Variants in ACSL1 observed in about 807,000 individuals in gnomAD.
The protein encoded by ACSL1 is long-chain-fatty-acid--CoA ligase 1.
In ACSL1, 41 loss-of-function variants were observed where a neutral mutation model predicts 98.4. The ratio of observed to expected loss-of-function variants is 0.42; its 90% CI spans 0.32 to 0.54. The LOEUF is 0.54. Ranked by LOEUF, ACSL1 falls within the 20% of genes least tolerant of loss-of-function variation. The probability of loss-of-function intolerance (pLI) is 0.13; values close to 1 mark genes in which losing one functional copy is unlikely to be tolerated. For missense variants in ACSL1, 734 were observed against 883.1 expected (o/e 0.83, Z 2.14); for synonymous variants, 316 against 322.7 (o/e 0.98, Z 0.22).
rs1469803391 is a variant in ACSL1, at chr4:184,825,170, TG to T, written c.-33+745del. On this transcript the variant is annotated intron_variant, in intron 1 of 20. Transcript: ENST00000281455. The surrounding 1 kb of genome is among the most constrained non-coding windows in gnomAD (Gnocchi z 4.7). ...TTCCACACTCTCACAACGCACCGAC[TG>T]GGGGAACGCCTGTCCCCAGACTCGA... The T allele has an allele frequency of 5.1e-6, 5 of 985,306 alleles. No homozygotes were observed. Among genetic ancestry groups the T allele is most frequent in the East Asian group, 1.1e-4 (1 of 8,806 alleles). The allele number at this position is 985,306 out of a possible 1,614,324, so 61.0% of individuals were successfully genotyped here. A position where few individuals can be genotyped will look rare whatever the true frequency, so the allele number is the denominator to read the frequency against.
intron 11 of ACSL1, among the ~76,000 whole-genome samples, chr4:184,769,773 G>T (rs1764211693): frequency 6.6e-6 from 1 of 152,220 alleles, no homozygotes; most frequent in South Asian, 2.1e-4. Context: ...GGTGCTCATT[G>T]TTTTTTCCTA....
At chr4:184,809,699 G>C (rs1490288895) in intron 1 of ACSL1, among the ~76,000 whole-genome samples, 1 of 152,200 alleles carries the variant, frequency 6.6e-6, no homozygotes, top group African/African-American at 2.4e-5. Flanking sequence ...GGGAGGCTGA[G>C]GCAGGAGAAT....
intron 1 of ACSL1, among the ~76,000 whole-genome samples, chr4:184,804,366 G>A (rs140523518): frequency 0.016 from 2,507 of 152,256 alleles, 79 homozygotes; most frequent in African/African-American, 0.058. Flanking sequence ...GATCACCTGA[G>A]GTCAAGAGTT....
chr4:184,773,062 C>T lies in ACSL1; in HGVS notation c.915+19G>A, dbSNP rs185116614. ...AATGTCAATCAATGAGGAAAGATGA[C>T]GACATCCCAAAAAGTTACCTCTGTT... On this transcript the variant is annotated intron_variant, in intron 10 of 20. Transcript: ENST00000281455. The surrounding 1 kb of genome is among the most constrained non-coding windows in gnomAD (Gnocchi z 4.3). The T allele has an allele frequency of 2.1e-5, 33 of 1,608,926 alleles. No individual in the cohort carries two copies. In the East Asian group the frequency reaches 2.7e-4, roughly 13 times the overall value.
rs1270580030 is a variant in ACSL1, at chr4:184,768,733, GGTAA to G, written c.994-287_994-284del. Among the ~76,000 whole-genome samples the G allele has an allele frequency of 1.1e-4, 16 of 152,238 alleles. No individual in the cohort carries two copies. In the East Asian group the frequency reaches 2.9e-3, roughly 28 times the overall value. On this transcript the variant is annotated intron_variant, in intron 11 of 20. Transcript: ENST00000281455. ...AGAGGTTCTACTCTTTTAGTGCGGT[GGTAA>G]GTATCTGTTCAATGAATGACATGGT... is the stretch of plus-strand genomic sequence containing the variant.
chr4:184,818,733 G>A (rs1772824981), intron 1 of ACSL1, among the ~76,000 whole-genome samples: 1 of 152,150 alleles, frequency 6.6e-6, no homozygotes, highest in Admixed American at 6.6e-5. Flanking sequence ...CCAATCTGTG[G>A]AAGCCAGATA....
At chr4:184,816,911 T>A (rs1207685260) in intron 1 of ACSL1, among the ~76,000 whole-genome samples, 1 of 152,022 alleles carries the variant, frequency 6.6e-6, no homozygotes, top group African/African-American at 2.4e-5. Flanking sequence ...ACTTGAAGCA[T>A]CCAACTCAGC....
At chr4:184,770,163 A>G (rs1366465780) in intron 11 of ACSL1, 3 of 1,213,022 alleles carry the variant, frequency 2.5e-6, no homozygotes, top group Admixed American at 5.2e-5. Flanking sequence ...CAGAAAAAGA[A>G]TTTATATTCT....
intron 2 of ACSL1, among the ~76,000 whole-genome samples, chr4:184,795,223 G>A (rs1174081506): frequency 6.6e-6 from 1 of 152,240 alleles, no homozygotes; most frequent in African/African-American, 2.4e-5. Context: ...GACAATGGGT[G>A]CTGAAGGTGT....
intron 1 of ACSL1, among the ~76,000 whole-genome samples, chr4:184,817,466 G>A (rs971285474): frequency 6.6e-6 from 1 of 152,108 alleles, no homozygotes; most frequent in Non-Finnish European, 1.5e-5. Flanking sequence ...GGATGGTCTA[G>A]GCAGCCACTA....
chr4:184,763,811 G>A (rs1046009826), intron 15 of ACSL1, among the ~76,000 whole-genome samples: 6 of 152,160 alleles, frequency 3.9e-5, no homozygotes, highest in Non-Finnish European at 8.8e-5. Flanking sequence ...TTAAGACTGG[G>A]CTGTCTTTTC....
intron 3 of ACSL1, among the ~76,000 whole-genome samples, chr4:184,785,402 G>GCAGGGAGC (rs1468012311): frequency 6.6e-6 from 1 of 152,164 alleles, no homozygotes; most frequent in Non-Finnish European, 1.5e-5. Context: ...CCACTGAGAA[G>GCAGGGAGC]CAGGGAGCTC....
intron 1 of ACSL1, among the ~76,000 whole-genome samples, chr4:184,819,327 G>A (rs1415753107): frequency 6.6e-6 from 1 of 151,950 alleles, no homozygotes; most frequent in Non-Finnish European, 1.5e-5. Context: ...ATTTTTAGCA[G>A]AGACAGGGTT....
At chr4:184,786,792 C>A (rs1579904394) in intron 3 of ACSL1, among the ~76,000 whole-genome samples, 1 of 149,656 alleles carries the variant, frequency 6.7e-6, no homozygotes, top group East Asian at 2.0e-4. Context: ...CTCTCCGGTT[C>A]AAGCGATTCT....
At chr4:184,802,433 A>G (rs1303569375) in intron 2 of ACSL1, among the ~76,000 whole-genome samples, 2 of 151,792 alleles carry the variant, frequency 1.3e-5, no homozygotes, top group Admixed American at 6.6e-5. Flanking sequence ...GTGTTTCACA[A>G]TGTTCTTCTG....
Position 184,757,336 on chromosome 4 carries a change from T to G in ACSL1, c.1957-71A>C. ...ACCAGTCTCAAAAGCACGTAAGCCT[T>G]GGAGGGGATCAACACTCTCCAGCCA... On this transcript the variant is annotated intron_variant, in intron 20 of 20. Transcript: ENST00000281455. The surrounding 1 kb of genome is among the most constrained non-coding windows in gnomAD (Gnocchi z 4.5). The G allele has an allele frequency of 6.5e-7, 1 of 1,529,412 alleles. No individual in the cohort carries two copies. Among genetic ancestry groups the G allele is most frequent in the Non-Finnish European group, 8.8e-7 (1 of 1,132,312 alleles). The allele number at this position is 1,529,412 out of a possible 1,614,324, so 94.7% of individuals were successfully genotyped here. A position where few individuals can be genotyped will look rare whatever the true frequency, so the allele number is the denominator to read the frequency against.
intron 1 of ACSL1, among the ~76,000 whole-genome samples, chr4:184,807,509 G>A (rs1351623338): frequency 6.6e-6 from 1 of 152,186 alleles, no homozygotes; most frequent in Non-Finnish European, 1.5e-5. Context: ...ACCACAGAAG[G>A]ATGGGGAAGG....
At chr4:184,812,648 C>G (rs1433603706) in intron 1 of ACSL1, among the ~76,000 whole-genome samples, 1 of 152,188 alleles carries the variant, frequency 6.6e-6, no homozygotes, top group Non-Finnish European at 1.5e-5. Context: ...CTGCCATCAA[C>G]TCTAAGGGCT....
At chr4:184,819,032 G>C (rs1157730633) in intron 1 of ACSL1, among the ~76,000 whole-genome samples, 2 of 152,046 alleles carry the variant, frequency 1.3e-5, no homozygotes, top group Non-Finnish European at 2.9e-5. Flanking sequence ...GTGTAGGTGA[G>C]GAAGGGGAGA....
Sources: gnomAD v4.1 joint callset for allele counts (sites outside exome capture counted in the v4.1 genomes callset) on GRCh38, gnomAD v4.1.1 for gene constraint, Gnocchi (gnomAD v3.1) non-coding constraint, MANE v1.5 for transcripts, NCBI Gene and HGNC (gene_info 2026-07-23, HGNC 2026-07-21) for gene names.